The following CXADR variants were observed in gnomAD, a reference collection of about 807,000 sequenced individuals.
The protein encoded by CXADR is CXADR cell adhesion molecule.
Under a neutral mutation model 40.3 loss-of-function variants are expected in CXADR, and 20 were observed. The observed-to-expected ratio is 0.50, with a 90% CI of 0.35 to 0.72. The LOEUF is 0.72. Ranked by LOEUF, CXADR falls within the 30% of genes least tolerant of loss-of-function variation. The pLI, the probability that CXADR is intolerant of heterozygous loss-of-function variation, is 0.01. For synonymous variants in CXADR, 150 were observed against 161.3 expected (o/e 0.93, Z 0.53); for missense variants, 332 against 449.1 (o/e 0.74, Z 2.36).
In CXADR at chr21:17,567,758, A is replaced by G. The variant is rs909518671; in HGVS notation, c.*2066A>G. On this transcript the variant is annotated 3_prime_UTR_variant, in exon 7 of 7. Coordinates refer to ENST00000284878, the MANE Select transcript of CXADR (RefSeq NM_001338.5). ...AGTAAATAAACAGAACATTAATAAT[A>G]AAGTTTTGGTTCTTCCTATTCCTGA... The G allele has an allele frequency of 5.8e-6, 5 of 856,296 alleles. No individual in the cohort carries two copies. Among genetic ancestry groups the G allele is most frequent in the African/African-American group, 3.6e-5 (2 of 55,126 alleles). 53.0% of individuals were successfully genotyped at this position (856,296 alleles called of 1,614,324 possible).
chr21:17,620,028 A>G, the CXADR span, among the ~76,000 whole-genome samples: 2 of 152,170 alleles, frequency 1.3e-5, no homozygotes, highest in Non-Finnish European at 2.9e-5. Flanking sequence ...AACTTTCTCC[A>G]TATCAGCAAT....
At chr21:17,559,179 A>T in intron 4 of CXADR, 48 bp downstream of exon 4, 1 of 1,586,024 alleles carries the variant, frequency 6.3e-7, no homozygotes, top group South Asian at 1.1e-5. Flanking sequence ...ATTTGGACTA[A>T]GATCTAGTAG....
the CXADR span, chr21:17,604,806 A>G: frequency 6.3e-7 from 1 of 1,578,266 alleles, no homozygotes; most frequent in Non-Finnish European, 8.6e-7. Flanking sequence ...ACAGAATGTC[A>G]TAAAATTAGT....
At chr21:17,538,162 C>A (rs140128719) in intron 1 of CXADR, among the ~76,000 whole-genome samples, 13 of 151,830 alleles carry the variant, frequency 8.6e-5, no homozygotes, top group African/African-American at 1.9e-4. Context: ...CCACCACGTC[C>A]GGCTAATTTT....
At chr21:17,627,317 T>C in the CXADR span, among the ~76,000 whole-genome samples, 2,583 of 152,058 alleles carry the variant, frequency 0.017, 71 homozygotes, top group African/African-American at 0.059. Context: ...GATTACACCA[T>C]TGCACTCCAG....
rs544224816 is a variant in CXADR at position 17,548,739 on chromosome 21, G to A, written c.210+1546G>A. On this transcript the variant is annotated intron_variant, in intron 2 of 6. Coordinates refer to ENST00000284878, the MANE Select transcript of CXADR (RefSeq NM_001338.5). ...GCACTGTGCCCTGAGCCATTAGCGT[G>A]TCTGTTAATGAGAAGAAGACTCCAA... Among the ~76,000 whole-genome samples, 4 of 152,364 alleles carry A rather than the reference G, an allele frequency of 2.6e-5. No homozygotes were observed. The East Asian group carries it at 7.7e-4, about 29-fold the overall frequency.
intron 2 of CXADR, among the ~76,000 whole-genome samples, chr21:17,548,368 C>G (rs2824345): frequency 0.051 from 7,825 of 152,210 alleles, 653 homozygotes; most frequent in African/African-American, 0.18. Context: ...GATGTAACCT[C>G]TGCCCTGATT....
the CXADR span, among the ~76,000 whole-genome samples, chr21:17,630,148 G>A: frequency 1.3e-5 from 2 of 152,114 alleles, no homozygotes; most frequent in East Asian, 3.8e-4. Flanking sequence ...TCGAATGAAA[G>A]TTTCTAAGAT....
rs780438872 is a variant in CXADR at position 17,560,844 on chromosome 21, TTGG to T, written c.694+25_694+27del. The T allele has an allele frequency of 1.9e-6, 3 of 1,611,994 alleles. No homozygotes were observed. Among genetic ancestry groups the T allele is most frequent in the African/African-American group, 2.7e-5 (2 of 74,838 alleles). ...TCCCTCGTAAGTTATCTTCTTTCTGTTGGTGGTTTTGTTTCTGTTATCTTTATA... is the reference window on the plus strand; with the variant it reads ...TCCCTCGTAAGTTATCTTCTTTCTGTTGGTTTTGTTTCTGTTATCTTTATA... On this transcript the variant is annotated intron_variant, in intron 5 of 6. Coordinates refer to ENST00000284878, the MANE Select transcript of CXADR (RefSeq NM_001338.5).
chr21:17,551,182 C>A, intron 2 of CXADR, among the ~76,000 whole-genome samples: 1 of 152,128 alleles, frequency 6.6e-6, no homozygotes, highest in African/African-American at 2.4e-5. Context: ...GGTGGATCCC[C>A]TGAGGTCAGA....
chr21:17,604,838 GC>G, the CXADR span: 1 of 1,607,996 alleles, frequency 6.2e-7, no homozygotes, highest in South Asian at 1.1e-5. Flanking sequence ...CATCAGTTCA[GC>G]CTCTAAACTT....
intron 1 of CXADR, among the ~76,000 whole-genome samples, chr21:17,523,198 G>A (rs773452223): frequency 1.3e-5 from 2 of 152,054 alleles, no homozygotes; most frequent in African/African-American, 4.8e-5. Flanking sequence ...TACTGTCATT[G>A]TTTTCTCTTG....
intron 7 of CXADR, among the ~76,000 whole-genome samples, chr21:17,583,791 G>C (rs1275590225): frequency 6.6e-6 from 1 of 152,104 alleles, no homozygotes; most frequent in Non-Finnish European, 1.5e-5. Context: ...TGATCACATG[G>C]GATTCCTTTT....
At chr21:17,562,754 T>C (rs1276532027) in intron 6 of CXADR, among the ~76,000 whole-genome samples, 1 of 152,254 alleles carries the variant, frequency 6.6e-6, no homozygotes, top group Non-Finnish European at 1.5e-5. Flanking sequence ...CTGTAGCTTC[T>C]TCATCAGCAC....
chr21:17,581,585 G>A (rs571320995), intron 7 of CXADR, among the ~76,000 whole-genome samples: 9 of 152,116 alleles, frequency 5.9e-5, no homozygotes, highest in Middle Eastern at 3.4e-3. Context: ...GGCTCACACC[G>A]GTAATCTCAG....
At chr21:17,594,864 G>A (rs2061484338), downstream of CXADR, among the ~76,000 whole-genome samples, 1 of 152,012 alleles carries the variant, frequency 6.6e-6, no homozygotes, top group Non-Finnish European at 1.5e-5. Context: ...GTGGGAGAAG[G>A]AAAAGGAGCA....
Position 17,569,786 on chromosome 21 carries a change from C to T in CXADR, c.*4094C>T, listed in dbSNP as rs1183784707. 4.1e-6 allele frequency: 4 copies of T among 985,168 alleles called. No individual in the cohort carries two copies. The East Asian group carries it at 3.4e-4, about 84-fold the overall frequency. 61.0% of individuals were successfully genotyped at this position (985,168 alleles called of 1,614,324 possible). ...GACTAAAAGCTCCATCAAAACAGAA[C>T]TTTGTGTTTTCTGCTAACTTATTTA... On this transcript the variant is annotated 3_prime_UTR_variant, in exon 7 of 7. Coordinates refer to ENST00000284878, the MANE Select transcript of CXADR (RefSeq NM_001338.5).
At chr21:17,587,928 AT>A (rs2061409188) in intron 7 of CXADR, among the ~76,000 whole-genome samples, 1 of 152,166 alleles carries the variant, frequency 6.6e-6, no homozygotes, top group East Asian at 1.9e-4. Context: ...TAAGGAAGGG[AT>A]CCAGTTTCAG....
the CXADR span, among the ~76,000 whole-genome samples, chr21:17,600,255 T>C: frequency 6.6e-5 from 10 of 152,072 alleles, no homozygotes; most frequent in Non-Finnish European, 1.3e-4. Context: ...GATTGCACAG[T>C]GTCAACACTA....
Sources: allele counts gnomAD v4.1 joint callset (sites outside exome capture counted in the v4.1 genomes callset), GRCh38; gene constraint gnomAD v4.1.1; transcripts MANE v1.5; gene names NCBI Gene and HGNC (gene_info 2026-07-23, HGNC 2026-07-21).